Variants in SNTG1 observed in about 807,000 individuals in gnomAD.
SNTG1 encodes the protein syntrophin gamma 1, also known as gamma-1-syntrophin.
In SNTG1, 39 loss-of-function variants were observed where a neutral mutation model predicts 74.7. That is an observed-to-expected ratio of 0.52 (90% CI 0.40 to 0.68). The LOEUF is 0.68. SNTG1 is among the 30% of genes least tolerant of loss of function. The pLI is 0.00. For missense variants in SNTG1, 685 were observed against 609.5 expected (o/e 1.12, Z -1.30); for synonymous variants, 254 against 217.1 (o/e 1.17, Z -1.49).
At chr8:50,526,179 T>C (rs540646584) in intron 9 of SNTG1, among the ~76,000 whole-genome samples, 2 of 152,304 alleles carry the variant, frequency 1.3e-5, no homozygotes, top group South Asian at 4.1e-4. Context: ...TGAACTCTTC[T>C]GTGTTCTCTG....
At chr8:50,454,829 TAAA>T (rs1158732952) in intron 8 of SNTG1, among the ~76,000 whole-genome samples, 262 of 95,138 alleles carry the variant, frequency 2.8e-3, no homozygotes, top group African/African-American at 0.011. Flanking sequence ...CAGACAGAGC[TAAA>T]AAAAAAAAAA....
chr8:50,089,179 G>C (rs1164610610), intron 1 of SNTG1, among the ~76,000 whole-genome samples: 1 of 151,938 alleles, frequency 6.6e-6, no homozygotes, highest in Non-Finnish European at 1.5e-5. Context: ...TTAATAAATG[G>C]GGCTGGGAAA....
At chr8:50,081,325 T>C (rs572118233) in intron 1 of SNTG1, among the ~76,000 whole-genome samples, 4 of 152,210 alleles carry the variant, frequency 2.6e-5, no homozygotes, top group Non-Finnish European at 5.9e-5. Context: ...TGGTCATTTA[T>C]CTCTAGCCTT....
chr8:50,547,151 C>A (rs1476877615), intron 11 of SNTG1, among the ~76,000 whole-genome samples: 1 of 152,110 alleles, frequency 6.6e-6, no homozygotes, highest in African/African-American at 2.4e-5. Context: ...GCGGCAGCTG[C>A]CCCTGCAGTT....
At chr8:50,119,609 A>C (rs2131348648) in intron 1 of SNTG1, among the ~76,000 whole-genome samples, 1 of 142,398 alleles carries the variant, frequency 7.0e-6, no homozygotes, top group African/African-American at 2.5e-5. Context: ...GATAATTTTT[A>C]CATTATTATG....
chr8:50,297,501 G>A (rs1024302747), intron 2 of SNTG1, among the ~76,000 whole-genome samples: 2 of 151,998 alleles, frequency 1.3e-5, no homozygotes, highest in African/African-American at 4.8e-5. Flanking sequence ...GGCATATCTG[G>A]CCTCTCTACT....
intron 15 of SNTG1, among the ~76,000 whole-genome samples, chr8:50,669,961 T>C (rs1453212666): frequency 6.6e-6 from 1 of 152,174 alleles, no homozygotes; most frequent in South Asian, 2.1e-4. Context: ...TCTCAATAGA[T>C]GCAGAAAAGG....
Position 50,402,214 on chromosome 8 carries a change from A to G in SNTG1, c.32A>G (p.Lys11Arg). The change falls in exon 4 of 19, where the codon AAG (lysine) becomes AGG (arginine). Residue 11 changes from lysine (K) to arginine (R), a missense_variant. Physicochemically the swap from Lys to Arg is conservative, Grantham distance 26 (BLOSUM62 2). Coordinates refer to ENST00000642720, the MANE Select transcript of SNTG1 (RefSeq NM_018967.5). MDFRTACEET[K>R]TGICLLQDGN... ...GTTTTTTTTTTTAATCTGAAGACAA[A>G]GACAGGAATTTGTTTGCTGCAGGAT... 1 of 1,589,364 alleles carries G rather than the reference A, an allele frequency of 6.3e-7. No homozygotes were observed. The highest frequency in any genetic ancestry group is 1.2e-5 in the South Asian group (1 of 85,628).
intron 1 of SNTG1, among the ~76,000 whole-genome samples, chr8:50,167,644 A>C (rs914257772): frequency 2.6e-5 from 4 of 151,512 alleles, no homozygotes; most frequent in African/African-American, 9.7e-5. Flanking sequence ...GAAAAAAAAA[A>C]AAAATACAAA....
At chr8:50,611,343 G>A (rs1207286230) in intron 13 of SNTG1, among the ~76,000 whole-genome samples, 1 of 152,134 alleles carries the variant, frequency 6.6e-6, no homozygotes, top group Non-Finnish European at 1.5e-5. Context: ...TTCTTCGTGA[G>A]CTGCATAAAA....
chr8:50,227,544 G>C (rs1310018383), intron 2 of SNTG1, among the ~76,000 whole-genome samples: 1 of 152,042 alleles, frequency 6.6e-6, no homozygotes, highest in East Asian at 1.9e-4. Context: ...AACTTGTGAA[G>C]GTCCCAGACC....
At chr8:49,985,035 A>C (rs535779308) in intron 1 of SNTG1, among the ~76,000 whole-genome samples, 35 of 152,356 alleles carry the variant, frequency 2.3e-4, no homozygotes, top group Non-Finnish European at 4.4e-4. Context: ...TCTGGTGGCC[A>C]GGATTAGATT....
intron 1 of SNTG1, among the ~76,000 whole-genome samples, chr8:50,150,783 C>A (rs1009101229): frequency 2.0e-5 from 3 of 152,124 alleles, no homozygotes; most frequent in Non-Finnish European, 4.4e-5. Flanking sequence ...GGTGGATAAC[C>A]TTTTTGATGT....
intron 18 of SNTG1, among the ~76,000 whole-genome samples, chr8:50,764,332 G>A (rs1251428482): frequency 2.6e-5 from 4 of 151,798 alleles, no homozygotes; most frequent in African/African-American, 4.8e-5. Flanking sequence ...GTGATGAGGC[G>A]ACCTATATCA....
At chr8:50,186,930 TG>T (rs1346809615) in intron 2 of SNTG1, among the ~76,000 whole-genome samples, 1 of 152,138 alleles carries the variant, frequency 6.6e-6, no homozygotes, top group African/African-American at 2.4e-5. Context: ...CAATTACTTT[TG>T]GCATTTTTGT....
In SNTG1 at chr8:50,792,826, T is replaced by C. The variant is rs769929374; in HGVS notation, c.1551T>C (p.Thr517=). Residue 517 remains threonine (T), a synonymous_variant, in exon 19 of 19, where the codon ACT becomes ACC. Transcript: ENST00000642720. ...SATTSKAKYT[T] ...CCACGAGCAAAGCAAAGTATACAAC[T>C]TGACATACTGAACTCTTCATTGACA... 3.1e-6 allele frequency: 5 copies of C among 1,611,104 alleles called. No individual in the cohort carries two copies. The highest frequency in any genetic ancestry group is 1.1e-5 in the South Asian group (1 of 90,836).
chr8:50,550,504 G>A lies in SNTG1; in HGVS notation c.681-2546G>A, dbSNP rs1015975036. On this transcript the variant is annotated intron_variant, in intron 11 of 18. Coordinates refer to ENST00000642720, the MANE Select transcript of SNTG1 (RefSeq NM_018967.5). ...AGTGAGCAGTATATTTTTCATTCAA[G>A]GAAGACTAAATTTGTATTTTAAATG... 2.0e-5 allele frequency among the ~76,000 whole-genome samples: 3 copies of A among 152,078 alleles called. No individual in the cohort carries two copies. In the South Asian group the frequency reaches 6.2e-4, roughly 31 times the overall value.
At chr8:50,188,903 G>A (rs1480056739) in intron 2 of SNTG1, among the ~76,000 whole-genome samples, 1 of 152,094 alleles carries the variant, frequency 6.6e-6, no homozygotes, top group African/African-American at 2.4e-5. Context: ...GTTCCCTGAG[G>A]TGTACTCTAT....
chr8:50,333,069 A>G (rs748717532), intron 2 of SNTG1, among the ~76,000 whole-genome samples: 6 of 152,258 alleles, frequency 3.9e-5, no homozygotes, highest in African/African-American at 7.2e-5. Context: ...TAAAAAACAA[A>G]TAAAAAACTT....
Sources: allele counts gnomAD v4.1 joint callset (sites outside exome capture counted in the v4.1 genomes callset), GRCh38; gene constraint gnomAD v4.1.1; transcripts MANE v1.5; gene names NCBI Gene and HGNC (gene_info 2026-07-23, HGNC 2026-07-21).